The following PCDHGA11 variants were observed in gnomAD, a reference collection of about 807,000 sequenced individuals.
PCDHGA11 encodes the protein protocadherin gamma-A11.
A neutral mutation model predicts 60.4 loss-of-function variants in PCDHGA11; 39 were observed. That is an observed-to-expected ratio of 0.65 (90% CI 0.50 to 0.84). The LOEUF (loss-of-function observed/expected upper bound fraction) is 0.84, where lower values mean the gene tolerates loss of function less well. Ranked by LOEUF, PCDHGA11 falls within the 40% of genes least tolerant of loss-of-function variation. PCDHGA11 has a pLI of 0.00. For synonymous variants in PCDHGA11, 533 were observed against 510.3 expected, an observed-to-expected ratio of 1.04 and a Z score of -0.60; for missense variants, 1,165 against 1,197.7, an observed-to-expected ratio of 0.97 and a Z score of 0.40.
At chr5:141,453,093 C>A (rs1408495535) in intron 1 of PCDHGA11, among the ~76,000 whole-genome samples, 1 of 151,928 alleles carries the variant, frequency 6.6e-6, no homozygotes, top group African/African-American at 2.4e-5. Context: ...AGTATATTTT[C>A]TGTTGCTTTT....
chr5:141,449,075 T>C (rs1452456191), intron 1 of PCDHGA11, among the ~76,000 whole-genome samples: 3 of 152,240 alleles, frequency 2.0e-5, no homozygotes, highest in African/African-American at 7.2e-5. Context: ...AATAGCCCTG[T>C]ACCTACATCA....
intron 1 of PCDHGA11, among the ~76,000 whole-genome samples, chr5:141,467,109 A>G (rs1431550069): frequency 2.0e-5 from 3 of 150,594 alleles, no homozygotes; most frequent in African/African-American, 4.9e-5. Context: ...CTGGAGTACA[A>G]TGGTGCAATC....
chr5:141,490,618 A>G lies in PCDHGA11; in HGVS notation c.2434-4189A>G, dbSNP rs1463273520. On this transcript the variant is annotated intron_variant, in intron 1 of 3. Transcript: ENST00000398587. The surrounding 1 kb of genome is among the most constrained non-coding windows in gnomAD (Gnocchi z 5.4). ...ACCCCGCTTCAACCAGCAGCTTTAC[A>G]CTGCTTACATCCTAGAAAACCGGCC... 4.3e-6 allele frequency: 7 copies of G among 1,613,986 alleles called. No homozygotes were observed. Among genetic ancestry groups the G allele is most frequent in the Admixed American group, 1.7e-5 (1 of 59,996 alleles).
At chr5:141,492,423 G>C (rs1164828445) in intron 1 of PCDHGA11, among the ~76,000 whole-genome samples, 1 of 152,222 alleles carries the variant, frequency 6.6e-6, no homozygotes, top group African/African-American at 2.4e-5. Context: ...CCCTCCGCCG[G>C]GCTCAGGAGT....
intron 3 of PCDHGA11, among the ~76,000 whole-genome samples, chr5:141,509,022 C>G (rs2099873807): frequency 6.6e-6 from 1 of 152,206 alleles, no homozygotes; most frequent in East Asian, 1.9e-4. Context: ...CAGCTGCTCC[C>G]TCCCACTCAA....
chr5:141,478,941 A>G (rs889484528), intron 1 of PCDHGA11: 2 of 589,470 alleles, frequency 3.4e-6, no homozygotes, highest in Non-Finnish European at 5.6e-6. Context: ...TTCTAGGAAT[A>G]CAAAAACTAC....
chr5:141,478,076 C>G (rs1486983629), intron 1 of PCDHGA11: 2 of 1,614,106 alleles, frequency 1.2e-6, no homozygotes, highest in Non-Finnish European at 1.7e-6. Context: ...CAATGGGGAG[C>G]CTTCGCTCTC....
At position 141,477,386 on chromosome 5, in the gene PCDHGA11, A is replaced by C; in HGVS notation, c.2434-17421A>C. 1 of 1,614,116 alleles carries C rather than the reference A, an allele frequency of 6.2e-7. No homozygotes were observed. Among genetic ancestry groups the C allele is most frequent in the South Asian group, 1.1e-5 (1 of 91,080 alleles). On this transcript the variant is annotated intron_variant, in intron 1 of 3. Coordinates refer to ENST00000398587, the MANE Select transcript of PCDHGA11 (RefSeq NM_018914.3). The surrounding 1 kb of genome is among the most constrained non-coding windows in gnomAD (Gnocchi z 4.9). ...GGATCGGGAGACTGTGCCAGAATAC[A>C]ACCTCAGCATCACCGCCCGAGACGC...
At chr5:141,471,263 C>T (rs2099253826) in intron 1 of PCDHGA11, 1 of 151,898 alleles carries the variant, frequency 6.6e-6, no homozygotes, top group African/African-American at 2.4e-5. Context: ...GTTGGCAAGG[C>T]TGGTCTCAAA....
chr5:141,486,987 G>C lies in PCDHGA11; in HGVS notation c.2434-7820G>C, dbSNP rs1327158531. ...GACTTGGATTCAGGTTACAATGCTTGGGTTTCCTATCAGCTCCTGGAGGCC... is the reference window on the plus strand; with the variant it reads ...GACTTGGATTCAGGTTACAATGCTTCGGTTTCCTATCAGCTCCTGGAGGCC... On this transcript the variant is annotated intron_variant, in intron 1 of 3. Transcript: ENST00000398587. The surrounding 1 kb of genome is among the most constrained non-coding windows in gnomAD (Gnocchi z 5.0). The C allele has an allele frequency of 6.2e-7, 1 of 1,614,144 alleles. No homozygotes were observed. Among genetic ancestry groups the C allele is most frequent in the Admixed American group, 1.7e-5 (1 of 60,020 alleles).
chr5:141,439,458 C>T (rs2098114160), intron 1 of PCDHGA11, among the ~76,000 whole-genome samples: 1 of 152,214 alleles, frequency 6.6e-6, no homozygotes, highest in East Asian at 1.9e-4. Flanking sequence ...AGCAAGACTG[C>T]ACTGCTGCCT....
Position 141,489,606 on chromosome 5 carries a change from G to A in PCDHGA11, c.2434-5201G>A. The stretch of plus-strand genomic sequence containing the variant: ...TGGAGCTAATCCGTGTAGAGGTAGA[G>A]ATCCTGGATCTCAATGACAACTCTC... On this transcript the variant is annotated intron_variant, in intron 1 of 3. Coordinates refer to ENST00000398587, the MANE Select transcript of PCDHGA11 (RefSeq NM_018914.3). This position sits in a 1 kb window ranked among gnomAD's most constrained non-coding sequence, Gnocchi z 4.5. The A allele has an allele frequency of 6.2e-7, 1 of 1,614,110 alleles. No homozygotes were observed.
rs1364415249 is a variant in PCDHGA11 at position 141,489,240 on chromosome 5, C to A, written c.2434-5567C>A. The stretch of plus-strand genomic sequence containing the variant: ...ACTCTCCACAAAGGGACTTCTGGGT[C>A]ATGGGGCCCAAGACACTCCCACAGC... On this transcript the variant is annotated intron_variant, in intron 1 of 3. Coordinates refer to ENST00000398587, the MANE Select transcript of PCDHGA11 (RefSeq NM_018914.3). The surrounding 1 kb of genome is among the most constrained non-coding windows in gnomAD (Gnocchi z 4.5). 1 of 1,534,136 alleles carries A rather than the reference C, an allele frequency of 6.5e-7. No individual in the cohort carries two copies. Among genetic ancestry groups the A allele is most frequent in the South Asian group, 1.3e-5 (1 of 76,896 alleles).
chr5:141,458,594 G>A (rs1226490392), intron 1 of PCDHGA11, among the ~76,000 whole-genome samples: 2 of 151,612 alleles, frequency 1.3e-5, no homozygotes, highest in South Asian at 2.1e-4. Flanking sequence ...TTTTGGAGAC[G>A]AGTCTCACTC....
Position 141,487,356 on chromosome 5 carries a change from C to A in PCDHGA11, c.2434-7451C>A. On this transcript the variant is annotated intron_variant, in intron 1 of 3. Coordinates refer to ENST00000398587, the MANE Select transcript of PCDHGA11 (RefSeq NM_018914.3). The surrounding 1 kb of genome is among the most constrained non-coding windows in gnomAD (Gnocchi z 5.0). ...GCCTGTGGAGTCACATGCTTTCCTG[C>A]TGGCACCTGTGCCTGTCTCACCAGA... 1 of 1,614,220 alleles carries A rather than the reference C, an allele frequency of 6.2e-7. No individual in the cohort carries two copies. The highest frequency in any genetic ancestry group is 8.5e-7 in the Non-Finnish European group (1 of 1,180,042).
chr5:141,493,179 T>C lies in PCDHGA11; in HGVS notation c.2434-1628T>C, dbSNP rs1208502829. 6.6e-6 allele frequency among the ~76,000 whole-genome samples: 1 copy of C among 152,230 alleles called. No homozygotes were observed. Among genetic ancestry groups the C allele is most frequent in the Non-Finnish European group, 1.5e-5 (1 of 68,040 alleles). On this transcript the variant is annotated intron_variant, in intron 1 of 3. Coordinates refer to ENST00000398587, the MANE Select transcript of PCDHGA11 (RefSeq NM_018914.3). This position sits in a 1 kb window ranked among gnomAD's most constrained non-coding sequence, Gnocchi z 4.3. ...TGATAGCTGATTGAGAGAAACTTAC[T>C]ATATAACTCCTTTGAGAACCTCATC...
At chr5:141,447,647 T>C (rs1338920727) in intron 1 of PCDHGA11, among the ~76,000 whole-genome samples, 1 of 152,092 alleles carries the variant, frequency 6.6e-6, no homozygotes, top group African/African-American at 2.4e-5. Flanking sequence ...GATGGTAGAA[T>C]TTTCCCCCCC....
At chr5:141,446,985 C>T (rs1411339328) in intron 1 of PCDHGA11, among the ~76,000 whole-genome samples, 1 of 152,064 alleles carries the variant, frequency 6.6e-6, no homozygotes, top group Non-Finnish European at 1.5e-5. Context: ...AATTCATACT[C>T]CACTCTTCAG....
At chr5:141,472,359 G>T (rs2099278248) in intron 1 of PCDHGA11, among the ~76,000 whole-genome samples, 1 of 151,944 alleles carries the variant, frequency 6.6e-6, no homozygotes, top group Admixed American at 6.6e-5. Flanking sequence ...GGCTAACACG[G>T]TGAAACCCCG....
Sources: allele counts gnomAD v4.1 joint callset (sites outside exome capture counted in the v4.1 genomes callset), GRCh38; gene constraint gnomAD v4.1.1; non-coding constraint Gnocchi (gnomAD v3.1); transcripts MANE v1.5; gene names NCBI Gene and HGNC (gene_info 2026-07-23, HGNC 2026-07-21).